The following KCNMB4 variants were observed in gnomAD, a reference collection of about 807,000 sequenced individuals.
KCNMB4 encodes the protein calcium-activated potassium channel subunit beta-4.
A neutral mutation model predicts 20.7 loss-of-function variants in KCNMB4; 3 were observed. The ratio of observed to expected loss-of-function variants is 0.14; its 90% CI spans 0.07 to 0.37. KCNMB4 has a LOEUF of 0.37. Ranked by LOEUF, KCNMB4 falls within the 10% of genes least tolerant of loss-of-function variation. KCNMB4 has a pLI of 1.00. For synonymous variants in KCNMB4, 110 were observed against 113.4 expected (o/e 0.97, Z 0.19); for missense variants, 168 against 265.9 (o/e 0.63, Z 2.56).
At chr12:70,397,369 G>T (rs1868363475) in intron 1 of KCNMB4, among the ~76,000 whole-genome samples, 1 of 152,064 alleles carries the variant, frequency 6.6e-6, no homozygotes, top group Non-Finnish European at 1.5e-5. Flanking sequence ...TTCTTTCCAG[G>T]CAATGTTAGT....
chr12:70,430,723 C>T lies in KCNMB4; in HGVS notation c.*70C>T. On this transcript the variant is annotated 3_prime_UTR_variant, in exon 3 of 3. Coordinates refer to ENST00000258111, the MANE Select transcript of KCNMB4 (RefSeq NM_014505.6). ...ATCGGCACGCGTCCACCTGCGGAAC[C>T]TGTGTTTCCTGGCGCAGGAGATGGA... The T allele has an allele frequency of 2.8e-6, 4 of 1,429,104 alleles. No homozygotes were observed. Among genetic ancestry groups the T allele is most frequent in the Non-Finnish European group, 3.7e-6 (4 of 1,086,140 alleles). The allele number at this position is 1,429,104 out of a possible 1,614,324, so 88.5% of individuals were successfully genotyped here. A position where few individuals can be genotyped will look rare whatever the true frequency, so the allele number is the denominator to read the frequency against.
intron 1 of KCNMB4, among the ~76,000 whole-genome samples, chr12:70,395,713 A>G (rs1868345190): frequency 6.6e-6 from 1 of 152,214 alleles, no homozygotes; most frequent in South Asian, 2.1e-4. Context: ...ATGAATGCAA[A>G]AGTTCAAAAA....
At chr12:70,410,790 A>T (rs2136135407) in intron 2 of KCNMB4, among the ~76,000 whole-genome samples, 1 of 152,350 alleles carries the variant, frequency 6.6e-6, no homozygotes, top group East Asian at 1.9e-4. Context: ...ATGAATGAGT[A>T]AAACAACAAC....
At chr12:70,425,113 T>C (rs983141122) in intron 2 of KCNMB4, among the ~76,000 whole-genome samples, 2 of 152,070 alleles carry the variant, frequency 1.3e-5, no homozygotes, top group African/African-American at 4.8e-5. Context: ...TTTCCAGAAA[T>C]CCCATAGCAT....
Position 70,366,684 on chromosome 12 carries a change from G to A in KCNMB4, c.-51G>A. ...GCCCGAGGCAGTCGGGCTCGGCGCC[G>A]GGGGCGGGAGGGGGCGGGGGGAGCA... On this transcript the variant is annotated 5_prime_UTR_variant, in exon 1 of 3. Coordinates refer to ENST00000258111, the MANE Select transcript of KCNMB4 (RefSeq NM_014505.6). 7.5e-7 allele frequency: 1 copy of A among 1,325,466 alleles called. No individual in the cohort carries two copies. Among genetic ancestry groups the A allele is most frequent in the South Asian group, 1.8e-5 (1 of 55,792 alleles). 82.1% of individuals were successfully genotyped at this position (1,325,466 alleles called of 1,614,324 possible). A position where few individuals can be genotyped will look rare whatever the true frequency, so the allele number is the denominator to read the frequency against.
At chr12:70,424,841 T>C (rs1370435917) in intron 2 of KCNMB4, among the ~76,000 whole-genome samples, 9 of 152,090 alleles carry the variant, frequency 5.9e-5, no homozygotes, top group Admixed American at 5.2e-4. Context: ...AGCTTTTAGG[T>C]TGCCTTCCTG....
At chr12:70,392,993 T>G (rs550525655) in intron 1 of KCNMB4, among the ~76,000 whole-genome samples, 52 of 152,172 alleles carry the variant, frequency 3.4e-4, no homozygotes, top group Middle Eastern at 3.4e-3. Context: ...ATAATAAAAT[T>G]TAAAGAAAGA....
rs562947346 is a variant in KCNMB4, at chr12:70,374,771, A to G, written c.336+7701A>G. Among the ~76,000 whole-genome samples, 15 of 152,296 alleles carry G rather than the reference A, an allele frequency of 9.8e-5. No individual in the cohort carries two copies. The South Asian group carries it at 3.1e-3, about 32-fold the overall frequency. Reference sequence around the variant, plus strand: ...TCTAGACTTGCTTTGTCTTCATGTAATTGATGTAGTTGATCAAATGGACTT... The same window carrying G: ...TCTAGACTTGCTTTGTCTTCATGTAGTTGATGTAGTTGATCAAATGGACTT... On this transcript the variant is annotated intron_variant, in intron 1 of 2. Coordinates refer to ENST00000258111, the MANE Select transcript of KCNMB4 (RefSeq NM_014505.6).
At chr12:70,412,915 G>T (rs542288365) in intron 2 of KCNMB4, among the ~76,000 whole-genome samples, 13 of 152,184 alleles carry the variant, frequency 8.5e-5, no homozygotes, top group African/African-American at 2.9e-4. Flanking sequence ...TTTTTTACAG[G>T]AACATATTGG....
chr12:70,387,443 C>A (rs1176069919), intron 1 of KCNMB4, among the ~76,000 whole-genome samples: 1 of 144,058 alleles, frequency 6.9e-6, no homozygotes. Flanking sequence ...GCTCTTGTTG[C>A]CCAGGCTAGA....
intron 1 of KCNMB4, among the ~76,000 whole-genome samples, chr12:70,378,134 G>A (rs1883720637): frequency 6.6e-6 from 1 of 151,712 alleles, no homozygotes; most frequent in Non-Finnish European, 1.5e-5. Flanking sequence ...TTCTGTATTG[G>A]TAGTAGAGAC....
At chr12:70,404,840 A>G (rs73326374) in intron 2 of KCNMB4, among the ~76,000 whole-genome samples, 3,253 of 152,346 alleles carry the variant, frequency 0.021, 124 homozygotes, top group African/African-American at 0.073. Flanking sequence ...GTTGAGGAGC[A>G]AGAGGTCAGA....
In KCNMB4 at chr12:70,366,683, C is replaced by G. The variant is rs1277209067; in HGVS notation, c.-52C>G. The G allele has an allele frequency of 2.3e-6, 3 of 1,300,304 alleles. No homozygotes were observed. The highest frequency in any genetic ancestry group is 2.0e-6 in the Non-Finnish European group (2 of 1,024,322). 80.5% of individuals were successfully genotyped at this position (1,300,304 alleles called of 1,614,324 possible). On this transcript the variant is annotated 5_prime_UTR_variant, in exon 1 of 3. Transcript: ENST00000258111. Reference sequence around the variant, plus strand: ...CGCCCGAGGCAGTCGGGCTCGGCGCCGGGGGCGGGAGGGGGCGGGGGGAGC... The same window carrying G: ...CGCCCGAGGCAGTCGGGCTCGGCGCGGGGGGCGGGAGGGGGCGGGGGGAGC...
At chr12:70,398,513 C>G (rs1868378265) in intron 1 of KCNMB4, among the ~76,000 whole-genome samples, 1 of 151,976 alleles carries the variant, frequency 6.6e-6, no homozygotes, top group Non-Finnish European at 1.5e-5. Flanking sequence ...AGATGTAGAA[C>G]TATATGTGCA....
chr12:70,403,690 C>T (rs1868519944), intron 2 of KCNMB4, among the ~76,000 whole-genome samples: 1 of 152,194 alleles, frequency 6.6e-6, no homozygotes, highest in Admixed American at 6.5e-5. Flanking sequence ...GTGGTTGAAA[C>T]CGGGCATTAG....
chr12:70,379,061 A>G (rs1006644061), intron 1 of KCNMB4, among the ~76,000 whole-genome samples: 1 of 152,200 alleles, frequency 6.6e-6, no homozygotes, highest in African/African-American at 2.4e-5. Flanking sequence ...TTAAATATTC[A>G]GTAAACCATG....
chr12:70,419,630 T>A (rs77612206), intron 2 of KCNMB4, among the ~76,000 whole-genome samples: 8,265 of 152,174 alleles, frequency 0.054, 373 homozygotes, highest in East Asian at 0.16. Context: ...TGGCATAGGA[T>A]TGGGGCTAAA....
chr12:70,424,922 C>G (rs1869169875), intron 2 of KCNMB4, among the ~76,000 whole-genome samples: 1 of 152,164 alleles, frequency 6.6e-6, no homozygotes, highest in Non-Finnish European at 1.5e-5. Context: ...CAAACAACAA[C>G]TAGACACACT....
At chr12:70,396,859 G>A (rs1868356524) in intron 1 of KCNMB4, among the ~76,000 whole-genome samples, 1 of 152,078 alleles carries the variant, frequency 6.6e-6, no homozygotes, top group Non-Finnish European at 1.5e-5. Context: ...TTGTGTGACT[G>A]GATTCTCGAG....
Sources: gnomAD v4.1 joint callset for allele counts (sites outside exome capture counted in the v4.1 genomes callset) on GRCh38, gnomAD v4.1.1 for gene constraint, MANE v1.5 for transcripts, NCBI Gene and HGNC (gene_info 2026-07-23, HGNC 2026-07-21) for gene names.